NSL1: variants seen among roughly 807,000 people sequenced by gnomAD.
NSL1 encodes the protein kinetochore-associated protein NSL1 homolog.
In NSL1, 11 loss-of-function variants were observed where a neutral mutation model predicts 25.4. The observed-to-expected ratio is 0.43, with a 90% CI of 0.27 to 0.72. The LOEUF (loss-of-function observed/expected upper bound fraction) is 0.72, where lower values mean the gene tolerates loss of function less well. Among genes scored for constraint, NSL1 ranks in the 30% least tolerant of loss-of-function variants. The probability of loss-of-function intolerance (pLI) is 0.19; values close to 1 mark genes in which losing one functional copy is unlikely to be tolerated. For synonymous variants in NSL1, 118 were observed against 120.6 expected (o/e 0.98, Z 0.14); for missense variants, 330 against 342.7 (o/e 0.96, Z 0.29).
In NSL1 at chr1:212,735,377, T is replaced by C; in HGVS notation, c.*3031A>G. The C allele has an allele frequency of 1.0e-6, 1 of 985,404 alleles. No individual in the cohort carries two copies. Among genetic ancestry groups the C allele is most frequent in the Non-Finnish European group, 1.2e-6 (1 of 829,920 alleles). 61.0% of individuals were successfully genotyped at this position (985,404 alleles called of 1,614,324 possible). A position where few individuals can be genotyped will look rare whatever the true frequency, so the allele number is the denominator to read the frequency against. ...AATGAAGGTGGATAGAGAAGATAGG[T>C]GTTCACCAGAAATCAAACAAATTCA... On this transcript the variant is annotated 3_prime_UTR_variant, in exon 6 of 6. Coordinates refer to ENST00000366977, the MANE Select transcript of NSL1 (RefSeq NM_015471.4).
At chr1:212,773,050 G>A (rs755126381) in intron 4 of NSL1, among the ~76,000 whole-genome samples, 1 of 152,156 alleles carries the variant, frequency 6.6e-6, no homozygotes, top group Non-Finnish European at 1.5e-5. Context: ...GCTCAAGACG[G>A]ATTAATGACT....
chr1:212,772,645 C>A (rs1373484943), intron 4 of NSL1, among the ~76,000 whole-genome samples: 1 of 151,868 alleles, frequency 6.6e-6, no homozygotes, highest in African/African-American at 2.4e-5. Context: ...CCACTGCACT[C>A]AAGCCTGAGT....
Position 212,728,636 on chromosome 1 carries a change from T to C in NSL1, c.*9772A>G, listed in dbSNP as rs1401263188. ...TTCTGAGAATTCTGAGGCTCTGATC[T>C]GATGAGTGAAGGGAACCACAGGCTT... On this transcript the variant is annotated 3_prime_UTR_variant, in exon 6 of 6. Coordinates refer to ENST00000366977, the MANE Select transcript of NSL1 (RefSeq NM_015471.4). 5.1e-6 allele frequency: 5 copies of C among 985,360 alleles called. No individual in the cohort carries two copies. Among genetic ancestry groups the C allele is most frequent in the Middle Eastern group, 1.0e-3 (2 of 1,936 alleles). 61.0% of individuals were successfully genotyped at this position (985,360 alleles called of 1,614,324 possible). A position where few individuals can be genotyped will look rare whatever the true frequency, so the allele number is the denominator to read the frequency against.
chr1:212,726,599 G>C lies in NSL1; in HGVS notation c.*11809C>G, dbSNP rs1046946411. 5.2e-5 allele frequency: 8 copies of C among 152,854 alleles called. No homozygotes were observed. The highest frequency in any genetic ancestry group is 7.3e-5 in the Non-Finnish European group (5 of 68,544). The allele number at this position is 152,854 out of a possible 1,614,324, so 9.5% of individuals were successfully genotyped here. A position where few individuals can be genotyped will look rare whatever the true frequency, so the allele number is the denominator to read the frequency against. ...GGCACATCTGATGATAACGTCTGTG[G>C]CTGGTTTATTGAATTTGTTCTAGGC... is the stretch of plus-strand genomic sequence containing the variant. On this transcript the variant is annotated 3_prime_UTR_variant, in exon 6 of 6. Coordinates refer to ENST00000366977, the MANE Select transcript of NSL1 (RefSeq NM_015471.4).
At chr1:212,762,657 C>T (rs1343757324) in intron 4 of NSL1, among the ~76,000 whole-genome samples, 1 of 152,200 alleles carries the variant, frequency 6.6e-6, no homozygotes, top group African/African-American at 2.4e-5. Context: ...GGGAATGAGC[C>T]TGTCTCGGAG....
chr1:212,741,826 G>C (rs551766888), intron 4 of NSL1, among the ~76,000 whole-genome samples: 3 of 152,264 alleles, frequency 2.0e-5, no homozygotes, highest in East Asian at 1.9e-4. Context: ...GTTTAGAAGA[G>C]AGAAACACAG....
At chr1:212,743,390 CTT>C (rs1177982376) in intron 4 of NSL1, among the ~76,000 whole-genome samples, 1 of 151,758 alleles carries the variant, frequency 6.6e-6, no homozygotes, top group Non-Finnish European at 1.5e-5. Context: ...GCCTCGATCT[CTT>C]GACCTTGTGA....
intron 4 of NSL1, among the ~76,000 whole-genome samples, chr1:212,752,808 C>T (rs1659127003): frequency 6.6e-6 from 1 of 151,590 alleles, no homozygotes; most frequent in Non-Finnish European, 1.5e-5. Context: ...AGTAATCAAC[C>T]TAGTTTTGCT....
intron 4 of NSL1, among the ~76,000 whole-genome samples, chr1:212,752,889 CAAA>C (rs11284993): frequency 1.5e-5 from 2 of 133,966 alleles, no homozygotes; most frequent in African/African-American, 5.2e-5. Context: ...AGAAATTCAG[CAAA>C]AAAAAAAAAA....
chr1:212,756,308 C>T lies in NSL1; in HGVS notation c.500-16707G>A, dbSNP rs534893480. Among the ~76,000 whole-genome samples the T allele has an allele frequency of 3.8e-4, 58 of 152,060 alleles. 1 individual carries two copies. The highest frequency in any genetic ancestry group is 1.1e-3 in the African/African-American group (46 of 41,484). On this transcript the variant is annotated intron_variant, in intron 4 of 5. Coordinates refer to ENST00000366977, the MANE Select transcript of NSL1 (RefSeq NM_015471.4). ...CTAATTTTTGTATTTTTTGTAGAGA[C>T]GGGGTTTTGCCATGTTGCCCTAGCT...
At chr1:212,789,979 G>C (rs1024837745) in intron 1 of NSL1, among the ~76,000 whole-genome samples, 1 of 152,094 alleles carries the variant, frequency 6.6e-6, no homozygotes, top group Non-Finnish European at 1.5e-5. Context: ...ACTACATACA[G>C]AGTCACAACC....
At chr1:212,790,652 G>A (rs1307480848) in intron 1 of NSL1, among the ~76,000 whole-genome samples, 2 of 152,134 alleles carry the variant, frequency 1.3e-5, no homozygotes, top group Non-Finnish European at 1.5e-5. Flanking sequence ...GCCGGGCGAG[G>A]TGGCTCACGC....
At chr1:212,755,762 C>CAT (rs2102448093) in intron 4 of NSL1, among the ~76,000 whole-genome samples, 1 of 151,346 alleles carries the variant, frequency 6.6e-6, no homozygotes, top group East Asian at 1.9e-4. Flanking sequence ...TATATATTTT[C>CAT]ATATATATCT....
At chr1:212,758,794 T>C (rs12133174) in intron 4 of NSL1, among the ~76,000 whole-genome samples, 34,523 of 152,116 alleles carry the variant, frequency 0.23, 4,640 homozygotes, top group African/African-American at 0.38. Flanking sequence ...AAAATTCATA[T>C]GGAATTTGAA....
rs116598218 is a variant in NSL1 at position 212,760,802 on chromosome 1, C to T, written c.500-21201G>A. Among the ~76,000 whole-genome samples the T allele has an allele frequency of 5.6e-4, 85 of 152,284 alleles. No homozygotes were observed. The highest frequency in any genetic ancestry group is 1.9e-3 in the African/African-American group (80 of 41,558). On this transcript the variant is annotated intron_variant, in intron 4 of 5. Coordinates refer to ENST00000366977, the MANE Select transcript of NSL1 (RefSeq NM_015471.4). The surrounding 1 kb of genome is among the most constrained non-coding windows in gnomAD (Gnocchi z 4.3). ...AGGCCCAAGAATTGGTCTGCCTGGA[C>T]CTGATAACACTAGTATCTGTGTACA...
chr1:212,743,164 GT>G (rs1218616157), intron 4 of NSL1, among the ~76,000 whole-genome samples: 3 of 150,936 alleles, frequency 2.0e-5, no homozygotes, highest in Non-Finnish European at 4.4e-5. Context: ...GTTTACTTTG[GT>G]TTTTTTTTCT....
At chr1:212,753,965 G>A (rs1659184124) in intron 4 of NSL1, among the ~76,000 whole-genome samples, 1 of 152,166 alleles carries the variant, frequency 6.6e-6, no homozygotes, top group African/African-American at 2.4e-5. Context: ...GGGCAAGGGG[G>A]CATGCATGTG....
intron 3 of NSL1, 150 bp downstream of exon 3, chr1:212,784,213 G>A: frequency 4.0e-6 from 2 of 496,034 alleles, no homozygotes; most frequent in South Asian, 6.5e-5. Context: ...CAACTTAGAA[G>A]AGTAAAGTCT....
At chr1:212,766,421 T>C (rs532685372) in intron 4 of NSL1, 1 of 405,916 alleles carries the variant, frequency 2.5e-6, no homozygotes, top group East Asian at 3.7e-5. Context: ...TATGATCGTA[T>C]ACCTTAGAAA....
Sources: allele counts gnomAD v4.1 joint callset (sites outside exome capture counted in the v4.1 genomes callset), GRCh38; gene constraint gnomAD v4.1.1; non-coding constraint Gnocchi (gnomAD v3.1); transcripts MANE v1.5; gene names NCBI Gene and HGNC (gene_info 2026-07-23, HGNC 2026-07-21).